Variants in PLPP4 observed in about 807,000 individuals in gnomAD.
PLPP4 encodes phospholipid phosphatase 4.
A neutral mutation model predicts 32.2 loss-of-function variants in PLPP4; 20 were observed. The ratio of observed to expected loss-of-function variants is 0.62; its 90% confidence interval spans 0.44 to 0.90. The LOEUF is 0.90. Ranked by LOEUF, PLPP4 falls within the 40% of genes least tolerant of loss-of-function variation. The probability of loss-of-function intolerance (pLI) is 0.00; values close to 1 mark genes in which losing one functional copy is unlikely to be tolerated. For synonymous variants in PLPP4, 127 were observed against 133.0 expected, an observed-to-expected ratio of 0.95 and a Z score of 0.31; for missense variants, 257 against 353.1, an observed-to-expected ratio of 0.73 and a Z score of 2.18.
intron 1 of PLPP4, among the ~76,000 whole-genome samples, chr10:120,502,356 G>C (rs1210693549): frequency 1.3e-5 from 2 of 152,150 alleles, no homozygotes; most frequent in African/African-American, 4.8e-5. Flanking sequence ...AGGGGGAAGA[G>C]AAGGAGGGAG....
intron 6 of PLPP4, among the ~76,000 whole-genome samples, chr10:120,578,272 T>G (rs1243683561): frequency 6.6e-6 from 1 of 152,088 alleles, no homozygotes; most frequent in Non-Finnish European, 1.5e-5. Context: ...GGATGCAGAG[T>G]GAGGTCTTCA....
Position 120,559,370 on chromosome 10 carries a change from G to T in PLPP4, c.446-15761G>T, listed in dbSNP as rs189969340. Among the ~76,000 whole-genome samples the T allele has an allele frequency of 1.5e-3, 228 of 150,294 alleles. 1 individual carries two copies. The highest frequency in any genetic ancestry group is 5.3e-3 in the African/African-American group (217 of 40,870). ...TGTATTTATTATTTATTTTTCTTTC[G>T]TGGATTTATTAATTCTTTTATTTTA... On this transcript the variant is annotated intron_variant, in intron 5 of 6. Transcript: ENST00000398250.
intron 1 of PLPP4, among the ~76,000 whole-genome samples, chr10:120,492,998 AC>A (rs1451539672): frequency 6.6e-6 from 1 of 152,178 alleles, no homozygotes; most frequent in Non-Finnish European, 1.5e-5. Flanking sequence ...TGCTTCTCCT[AC>A]AAAGAGGGCA....
intron 6 of PLPP4, 84 bp downstream of exon 6, chr10:120,575,385 G>T: frequency 7.0e-7 from 1 of 1,425,980 alleles, no homozygotes. Context: ...CACCAATTGT[G>T]GGGAGCTAAG....
At chr10:120,524,754 C>G (rs1283351282) in intron 5 of PLPP4, among the ~76,000 whole-genome samples, 1 of 152,148 alleles carries the variant, frequency 6.6e-6, no homozygotes, top group Non-Finnish European at 1.5e-5. Flanking sequence ...ACCACAATTT[C>G]AAAGAGCAAG....
intron 2 of PLPP4, among the ~76,000 whole-genome samples, chr10:120,508,355 C>A (rs768673220): frequency 9.2e-5 from 14 of 152,146 alleles, no homozygotes; most frequent in Non-Finnish European, 1.8e-4. Context: ...TTTATAATCA[C>A]CCTGCAGCAC....
intron 4 of PLPP4, among the ~76,000 whole-genome samples, chr10:120,519,186 C>G (rs1221845661): frequency 6.6e-6 from 1 of 152,156 alleles, no homozygotes; most frequent in Non-Finnish European, 1.5e-5. Context: ...AGGGCCTCCC[C>G]TGACACCCAC....
intron 2 of PLPP4, among the ~76,000 whole-genome samples, chr10:120,508,599 A>G (rs1213118290): frequency 6.6e-6 from 1 of 152,200 alleles, no homozygotes; most frequent in Non-Finnish European, 1.5e-5. Context: ...AGTGTGGTGC[A>G]TGGTGCCTTA....
chr10:120,571,038 T>A (rs1848910795), intron 5 of PLPP4, among the ~76,000 whole-genome samples: 1 of 149,716 alleles, frequency 6.7e-6, no homozygotes, highest in Non-Finnish European at 1.5e-5. Context: ...GCGAGGGACA[T>A]ATGCTCTTCC....
At chr10:120,531,893 CACATAT>C (rs1308330437) in intron 5 of PLPP4, among the ~76,000 whole-genome samples, 2 of 150,106 alleles carry the variant, frequency 1.3e-5, no homozygotes, top group African/African-American at 4.9e-5. Flanking sequence ...CACACACACA[CACATAT>C]ATATATATAT....
intron 1 of PLPP4, among the ~76,000 whole-genome samples, chr10:120,496,623 C>T (rs988647502): frequency 3.3e-5 from 5 of 152,190 alleles, no homozygotes; most frequent in African/African-American, 4.8e-5. Flanking sequence ...CCAGATTATA[C>T]AATCTGTAAT....
At chr10:120,579,038 C>G (rs1849356620) in intron 6 of PLPP4, among the ~76,000 whole-genome samples, 1 of 152,188 alleles carries the variant, frequency 6.6e-6, no homozygotes, top group Non-Finnish European at 1.5e-5. Context: ...TATTCACGCT[C>G]TTATGTGATT....
intron 2 of PLPP4, among the ~76,000 whole-genome samples, chr10:120,510,322 G>A (rs1277643482): frequency 6.6e-6 from 1 of 152,156 alleles, no homozygotes; most frequent in African/African-American, 2.4e-5. Flanking sequence ...CAGTTAATAA[G>A]CTCTGACCAC....
At chr10:120,488,076 A>C (rs953210553) in intron 1 of PLPP4, among the ~76,000 whole-genome samples, 1 of 152,190 alleles carries the variant, frequency 6.6e-6, no homozygotes, top group Non-Finnish European at 1.5e-5. Context: ...CCATGTCCCA[A>C]GATGGCCTTG....
chr10:120,533,639 A>G (rs955807386), intron 5 of PLPP4, among the ~76,000 whole-genome samples: 50 of 151,862 alleles, frequency 3.3e-4, no homozygotes, highest in African/African-American at 1.1e-3. Context: ...CCTCCTCCCT[A>G]TTTTCATGCT....
At chr10:120,530,354 T>G (rs1846646515) in intron 5 of PLPP4, among the ~76,000 whole-genome samples, 1 of 152,180 alleles carries the variant, frequency 6.6e-6, no homozygotes, top group South Asian at 2.1e-4. Flanking sequence ...TTTTTTTGTC[T>G]TTTTTAAACT....
intron 5 of PLPP4, among the ~76,000 whole-genome samples, chr10:120,556,476 GC>G (rs1216444680): frequency 6.6e-6 from 1 of 152,162 alleles, no homozygotes; most frequent in Non-Finnish European, 1.5e-5. Context: ...TGGGCAGTAG[GC>G]CACATGGTGT....
chr10:120,484,606 T>C (rs1844358675), intron 1 of PLPP4, among the ~76,000 whole-genome samples: 1 of 152,244 alleles, frequency 6.6e-6, no homozygotes, highest in Admixed American at 6.5e-5. Context: ...CCTCTTAAAG[T>C]TCCCATGTCT....
Position 120,513,862 on chromosome 10 carries a change from TG to T in PLPP4, c.166-48del, listed in dbSNP as rs774436480. 1.8e-5 allele frequency: 26 copies of T among 1,423,448 alleles called. 1 individual carries two copies. In the East Asian group the frequency reaches 5.9e-4, roughly 32 times the overall value. 88.2% of individuals were successfully genotyped at this position (1,423,448 alleles called of 1,614,324 possible). On this transcript the variant is annotated intron_variant, in intron 2 of 6. Coordinates refer to ENST00000398250, the MANE Select transcript of PLPP4 (RefSeq NM_001030059.3). ...GGAACTAATTATCAATCAGCCCTTC[TG>T]ATAGCAAACTGATGTCCTCATAAGG...
Sources: gnomAD v4.1 joint callset for allele counts (sites outside exome capture counted in the v4.1 genomes callset) on GRCh38, gnomAD v4.1.1 for gene constraint, MANE v1.5 for transcripts, NCBI Gene and HGNC (gene_info 2026-07-23, HGNC 2026-07-21) for gene names.